The following PITPNM2 variants were observed in gnomAD, a reference collection of about 807,000 sequenced individuals.
PITPNM2 encodes the protein phosphatidylinositol transfer protein membrane associated 2.
In PITPNM2, 35 loss-of-function variants were observed where a neutral mutation model predicts 132.2. That is an observed-to-expected ratio of 0.26 (90% CI 0.20 to 0.35). PITPNM2 has a LOEUF of 0.35. Among genes scored for constraint, PITPNM2 ranks in the 10% least tolerant of loss-of-function variants. The probability of loss-of-function intolerance (pLI) is 1.00; values close to 1 mark genes in which losing one functional copy is unlikely to be tolerated. For missense variants in PITPNM2, 1,332 were observed against 1,912.0 expected, an observed-to-expected ratio of 0.70 and a Z score of 5.66; for synonymous variants, 738 against 799.2, an observed-to-expected ratio of 0.92 and a Z score of 1.29.
rs117940164 is a variant in PITPNM2 at position 123,054,493 on chromosome 12, T to C, written c.-95-19808A>G. ...TTTAAACTTGGGGTCAAAGAGAGAA[T>C]GTGGGTCAATCCTTTACTGGTGGCA... On this transcript the variant is annotated intron_variant, in intron 2 of 25. Coordinates refer to ENST00000320201, the MANE Select transcript of PITPNM2 (RefSeq NM_020845.3). 1.8e-4 allele frequency among the ~76,000 whole-genome samples: 28 copies of C among 152,296 alleles called. No homozygotes were observed. The East Asian group carries it at 4.8e-3, about 26-fold the overall frequency.
At chr12:123,014,383 G>A (rs915729342) in intron 3 of PITPNM2, among the ~76,000 whole-genome samples, 1 of 152,202 alleles carries the variant, frequency 6.6e-6, no homozygotes, top group Non-Finnish European at 1.5e-5. Flanking sequence ...ATAAGTTCTA[G>A]CTAAAGCAAT....
rs184415243 is a variant in PITPNM2, at chr12:123,108,282, C to A, written c.-96+2103G>T. 2.0e-5 allele frequency among the ~76,000 whole-genome samples: 3 copies of A among 152,290 alleles called. No individual in the cohort carries two copies. In the East Asian group the frequency reaches 5.8e-4, roughly 29 times the overall value. On this transcript the variant is annotated intron_variant, in intron 2 of 25. Coordinates refer to ENST00000320201, the MANE Select transcript of PITPNM2 (RefSeq NM_020845.3). The surrounding 1 kb of genome is among the most constrained non-coding windows in gnomAD (Gnocchi z 4.4). Reference sequence around the variant, plus strand: ...CATTTTAGGTCTAAGTGAAGACCTTCGGATGAGGTGAGCTGCAAGGCCATG... The same window carrying A: ...CATTTTAGGTCTAAGTGAAGACCTTAGGATGAGGTGAGCTGCAAGGCCATG...
chr12:123,149,979 G>A (rs886490428), intron 1 of PITPNM2: 1 of 152,328 alleles, frequency 6.6e-6, no homozygotes, highest in African/African-American at 2.4e-5. Context: ...GGAGAGGAGT[G>A]CAGGATGTCT....
At chr12:122,988,669 C>A in intron 19 of PITPNM2, 55 bp downstream of exon 19, 1 of 1,500,310 alleles carries the variant, frequency 6.7e-7, no homozygotes, top group Non-Finnish European at 9.0e-7. Flanking sequence ...AAATGTGGCC[C>A]TGTCATGGGT....
chr12:123,105,618 T>C (rs1617156), intron 2 of PITPNM2: 116,884 of 152,074 alleles, frequency 0.77, 45,072 homozygotes, highest in East Asian at 0.86. Context: ...CGACACCTGG[T>C]TACCGGGAGG....
rs1210121616 is a variant in PITPNM2 at position 122,987,282 on chromosome 12, G to A, written c.3412C>T (p.Arg1138Trp). The A allele has an allele frequency of 3.7e-6, 6 of 1,611,246 alleles. No individual in the cohort carries two copies. The highest frequency in any genetic ancestry group is 5.1e-6 in the Non-Finnish European group (6 of 1,179,938). The change falls in exon 23 of 26, where the codon CGG becomes TGG. Residue 1138 changes from arginine to tryptophan, a missense_variant and splice_region_variant. Arg to Trp is a moderately radical substitution (Grantham distance 101). Coordinates refer to ENST00000320201, the MANE Select transcript of PITPNM2 (RefSeq NM_020845.3). Reference protein sequence around the residue: ...KVRAGAVDVVRHWQDLGYLII... With the variant: ...KVRAGAVDVVWHWQDLGYLII... The stretch of plus-strand genomic sequence containing the variant: ...TTTGTGCCCCTCTGGGCCACTCACC[G>A]CACCACGTCCACGGCCCCGGCCCGC...
At chr12:123,048,746 T>C (rs1015780194) in intron 2 of PITPNM2, among the ~76,000 whole-genome samples, 5 of 152,072 alleles carry the variant, frequency 3.3e-5, no homozygotes, top group African/African-American at 1.2e-4. Flanking sequence ...AGAGTTTTAG[T>C]TTGGGAAGAT....
Position 123,008,181 on chromosome 12 carries a change from C to T in PITPNM2, c.643+1669G>A, listed in dbSNP as rs1407226016. 2.6e-5 allele frequency among the ~76,000 whole-genome samples: 4 copies of T among 152,334 alleles called. No individual in the cohort carries two copies. In the East Asian group the frequency reaches 7.7e-4, roughly 29 times the overall value. ...CCCACCAGCCACAAGCTCCTGCTTT[C>T]TGAGGGGAGAACTGACTTTCAGGGA... is the stretch of plus-strand genomic sequence containing the variant. On this transcript the variant is annotated intron_variant, in intron 6 of 25. Coordinates refer to ENST00000320201, the MANE Select transcript of PITPNM2 (RefSeq NM_020845.3). The surrounding 1 kb of genome is among the most constrained non-coding windows in gnomAD (Gnocchi z 4.1).
intron 1 of PITPNM2, among the ~76,000 whole-genome samples, chr12:123,149,513 G>T (rs867319109): frequency 1.3e-5 from 2 of 152,212 alleles, no homozygotes; most frequent in African/African-American, 4.8e-5. Flanking sequence ...AGAGGCAAGC[G>T]TTGGAGGGGC....
At chr12:122,987,764 C>T (rs750862822) in intron 21 of PITPNM2, 21 bp downstream of exon 21, 1 of 1,613,722 alleles carries the variant, frequency 6.2e-7, no homozygotes, top group Non-Finnish European at 8.5e-7. Context: ...TCCATGTTAC[C>T]CCTACCCGCC....
chr12:123,072,100 C>T (rs117210587), intron 2 of PITPNM2, among the ~76,000 whole-genome samples: 2,476 of 152,328 alleles, frequency 0.016, 38 homozygotes, highest in Non-Finnish European at 0.028. Flanking sequence ...GGTGTGCCCA[C>T]GCCTAGAAAG....
In PITPNM2 at chr12:122,992,345, C is replaced by G. The variant is rs528005877; in HGVS notation, c.2404+154G>C. ...GCGGAGGGATGCACCACCCCCACCC[C>G]CCACCCCCAACAGCTGTCCACCTCC... On this transcript the variant is annotated intron_variant, in intron 16 of 25. Coordinates refer to ENST00000320201, the MANE Select transcript of PITPNM2 (RefSeq NM_020845.3). This position sits in a 1 kb window ranked among gnomAD's most constrained non-coding sequence, Gnocchi z 6.5. Among the ~76,000 whole-genome samples the G allele has an allele frequency of 7.1e-6, 1 of 140,924 alleles. No individual in the cohort carries two copies. Among genetic ancestry groups the G allele is most frequent in the African/African-American group, 2.6e-5 (1 of 39,036 alleles). 92.5% of individuals were successfully genotyped at this position (140,924 alleles called of 152,430 possible).
intron 2 of PITPNM2, among the ~76,000 whole-genome samples, chr12:123,076,551 C>T (rs1178598936): frequency 6.6e-6 from 1 of 152,194 alleles, no homozygotes; most frequent in Non-Finnish European, 1.5e-5. Context: ...GCTCATGAGG[C>T]TGAAGTCCTA....
At chr12:123,072,939 G>C (rs1329507791) in intron 2 of PITPNM2, among the ~76,000 whole-genome samples, 1 of 152,206 alleles carries the variant, frequency 6.6e-6, no homozygotes, top group Non-Finnish European at 1.5e-5. Context: ...AGGGATCAGG[G>C]AAGGAGCCTG....
rs1594121046 is a variant in PITPNM2, at chr12:122,990,622, C to T, written c.2492G>A (p.Arg831His). The T allele has an allele frequency of 3.7e-6, 6 of 1,611,390 alleles. No homozygotes were observed. The highest frequency in any genetic ancestry group is 3.4e-6 in the Non-Finnish European group (4 of 1,179,820). The change falls in exon 17 of 26, where the codon CGC becomes CAC. Residue 831 changes from arginine (R) to histidine (H), a missense_variant. Arg to His is a conservative substitution (Grantham distance 29, BLOSUM62 0). Transcript: ENST00000320201. ...GGCGATGCTGATCTCACTGGCTCGGCGGAAGCCACGACTGGCAGGGGCAGT... is the reference window on the plus strand; with the variant it reads ...GGCGATGCTGATCTCACTGGCTCGGTGGAAGCCACGACTGGCAGGGGCAGT... ...PGTAPASRGF[R>H]RASEISIASQ...
chr12:123,113,864 C>T (rs1324383862), intron 1 of PITPNM2, among the ~76,000 whole-genome samples: 1 of 152,206 alleles, frequency 6.6e-6, no homozygotes, highest in African/African-American at 2.4e-5. Flanking sequence ...TCCCCTCCTC[C>T]CTGCCCCTGG....
At chr12:123,049,338 C>G (rs932596066) in intron 2 of PITPNM2, among the ~76,000 whole-genome samples, 7 of 152,186 alleles carry the variant, frequency 4.6e-5, no homozygotes, top group African/African-American at 1.7e-4. Context: ...CTGTTGCCCG[C>G]AGAACTTTGT....
intron 2 of PITPNM2, among the ~76,000 whole-genome samples, chr12:123,040,804 AAATTT>A (rs1465765067): frequency 2.0e-5 from 3 of 152,246 alleles, no homozygotes; most frequent in Non-Finnish European, 4.4e-5. Flanking sequence ...AAAAAAGATT[AAATTT>A]AATTTTTACT....
At chr12:123,053,495 G>A (rs891242428) in intron 2 of PITPNM2, among the ~76,000 whole-genome samples, 11 of 150,922 alleles carry the variant, frequency 7.3e-5, no homozygotes, top group African/African-American at 2.7e-4. Context: ...AAATTCACAT[G>A]TGGCTGTAAG....
Sources: allele counts gnomAD v4.1 joint callset (sites outside exome capture counted in the v4.1 genomes callset), GRCh38; gene constraint gnomAD v4.1.1; non-coding constraint Gnocchi (gnomAD v3.1); transcripts MANE v1.5; gene names NCBI Gene and HGNC (gene_info 2026-07-23, HGNC 2026-07-21).